The following CTNNA2 variants were observed in gnomAD, a reference collection of about 807,000 sequenced individuals.
The protein encoded by CTNNA2 is catenin alpha 2, also known as catenin alpha-2.
A neutral mutation model predicts 101.0 loss-of-function variants in CTNNA2; 42 were observed. The ratio of observed to expected loss-of-function variants is 0.42; its 90% CI spans 0.32 to 0.54. CTNNA2 has a LOEUF of 0.54. Among genes scored for constraint, CTNNA2 ranks in the 20% least tolerant of loss-of-function variants. The pLI is 0.14. For synonymous variants in CTNNA2, 450 were observed against 456.4 expected, an observed-to-expected ratio of 0.99 and a Z score of 0.18; for missense variants, 871 against 1,223.1, an observed-to-expected ratio of 0.71 and a Z score of 4.29.
chr2:79,515,442 GC>G (rs1671756292), intron 1 of CTNNA2, among the ~76,000 whole-genome samples: 1 of 152,198 alleles, frequency 6.6e-6, no homozygotes, highest in South Asian at 2.1e-4. Context: ...GGAGGTGGCA[GC>G]CCCTCTATGG....
intron 9 of CTNNA2, among the ~76,000 whole-genome samples, chr2:80,543,288 C>T (rs925703384): frequency 6.6e-6 from 1 of 152,170 alleles, no homozygotes; most frequent in African/African-American, 2.4e-5. Flanking sequence ...AGACCTGCAT[C>T]GTTGGTTCCT....
chr2:79,491,150 C>T (rs778007517), intron 4 of CTNNA2, among the ~76,000 whole-genome samples: 1 of 152,186 alleles, frequency 6.6e-6, no homozygotes, highest in Non-Finnish European at 1.5e-5. Context: ...CTGTACAGGT[C>T]TGAACTTCGC....
intron 7 of CTNNA2, among the ~76,000 whole-genome samples, chr2:80,336,512 T>C (rs1045082194): frequency 6.6e-6 from 1 of 152,248 alleles, no homozygotes; most frequent in Non-Finnish European, 1.5e-5. Flanking sequence ...CACTTCACCT[T>C]ATGCAGATTA....
At chr2:80,357,273 A>AT (rs1342106538) in intron 7 of CTNNA2, among the ~76,000 whole-genome samples, 7 of 118,666 alleles carry the variant, frequency 5.9e-5, no homozygotes, top group African/African-American at 1.3e-4. Flanking sequence ...TTGTTTTTTT[A>AT]TTTTTTATTT....
At chr2:80,576,630 T>G (rs951276786) in intron 13 of CTNNA2, among the ~76,000 whole-genome samples, 5 of 151,862 alleles carry the variant, frequency 3.3e-5, no homozygotes, top group African/African-American at 4.8e-5. Flanking sequence ...CACACTTTTA[T>G]CAACTGATCA....
intron 7 of CTNNA2, among the ~76,000 whole-genome samples, chr2:80,373,058 T>C (rs183126060): frequency 2.7e-4 from 41 of 152,270 alleles, no homozygotes; most frequent in African/African-American, 9.9e-4. Context: ...GTGACCATGA[T>C]TGTGTTGCCA....
chr2:80,013,748 A>G (rs1186348353), intron 7 of CTNNA2, among the ~76,000 whole-genome samples: 1 of 152,204 alleles, frequency 6.6e-6, no homozygotes. Context: ...CATTACGTGT[A>G]CATGCTATTG....
intron 7 of CTNNA2, among the ~76,000 whole-genome samples, chr2:80,086,071 A>G (rs1699422967): frequency 6.6e-6 from 1 of 152,110 alleles, no homozygotes; most frequent in Admixed American, 6.6e-5. Context: ...CAGAGCCATC[A>G]TGTTGTTACA....
chr2:79,777,825 T>C (rs1163398416), intron 3 of CTNNA2, among the ~76,000 whole-genome samples: 1 of 151,498 alleles, frequency 6.6e-6, no homozygotes, highest in Non-Finnish European at 1.5e-5. Flanking sequence ...ACAGGGTGAA[T>C]AGATATTTGT....
At chr2:79,244,067 T>C (rs1379236953) in intron 2 of CTNNA2, among the ~76,000 whole-genome samples, 1 of 152,150 alleles carries the variant, frequency 6.6e-6, no homozygotes, top group African/African-American at 2.4e-5. Flanking sequence ...TCCTAGCTCA[T>C]CCATTTCTCT....
chr2:79,777,277 T>TAAG (rs1305859639), intron 3 of CTNNA2, among the ~76,000 whole-genome samples: 2 of 151,904 alleles, frequency 1.3e-5, no homozygotes, highest in African/African-American at 2.4e-5. Context: ...TTCTCTACTA[T>TAAG]AAGAACAGCC....
intron 4 of CTNNA2, among the ~76,000 whole-genome samples, chr2:79,374,328 G>T (rs1677937433): frequency 6.6e-6 from 1 of 152,070 alleles, no homozygotes; most frequent in South Asian, 2.1e-4. Flanking sequence ...GCATGGATCT[G>T]GTATTTTAGC....
chr2:80,559,806 A>C (rs2149670050), intron 12 of CTNNA2, among the ~76,000 whole-genome samples: 1 of 151,970 alleles, frequency 6.6e-6, no homozygotes, highest in East Asian at 1.9e-4. Context: ...CCATCTTCAT[A>C]GATCTCGTTT....
intron 1 of CTNNA2, among the ~76,000 whole-genome samples, chr2:79,636,243 C>G (rs1171484570): frequency 7.9e-6 from 1 of 126,288 alleles, no homozygotes; most frequent in African/African-American, 3.0e-5. Flanking sequence ...GCACTCCAGC[C>G]TGGGCAACAG....
chr2:80,357,780 G>T (rs1446485093), intron 7 of CTNNA2, among the ~76,000 whole-genome samples: 2 of 152,056 alleles, frequency 1.3e-5, no homozygotes, highest in African/African-American at 4.8e-5. Context: ...TAACCTATTT[G>T]ATTCACATAG....
At chr2:79,624,171 A>T (rs902479923) in intron 1 of CTNNA2, among the ~76,000 whole-genome samples, 1 of 152,342 alleles carries the variant, frequency 6.6e-6, no homozygotes, top group Non-Finnish European at 1.5e-5. Flanking sequence ...AAAAGAAAAG[A>T]TTATCCCTGA....
intron 9 of CTNNA2, among the ~76,000 whole-genome samples, chr2:80,502,525 A>AT (rs1384282267): frequency 3.3e-5 from 5 of 152,248 alleles, no homozygotes; most frequent in Admixed American, 6.5e-5. Flanking sequence ...TTTTATTTTC[A>AT]TTTTTTCCAA....
intron 2 of CTNNA2, among the ~76,000 whole-genome samples, chr2:79,292,312 A>T (rs1214747447): frequency 6.6e-6 from 1 of 152,160 alleles, no homozygotes; most frequent in East Asian, 1.9e-4. Flanking sequence ...TATTTATTGG[A>T]GCACTGGAAG....
chr2:80,306,412 CT>C (rs1232770133), intron 7 of CTNNA2, among the ~76,000 whole-genome samples: 1 of 129,816 alleles, frequency 7.7e-6, no homozygotes. Flanking sequence ...TTCTTTCTTT[CT>C]TTCTTTCTTT....
Sources: gnomAD v4.1 joint callset for allele counts (sites outside exome capture counted in the v4.1 genomes callset) on GRCh38, gnomAD v4.1.1 for gene constraint, MANE v1.5 for transcripts, NCBI Gene and HGNC (gene_info 2026-07-23, HGNC 2026-07-21) for gene names.